Variants in LEPR observed in about 807,000 individuals in gnomAD.
The protein encoded by LEPR is leptin receptor.
A neutral mutation model predicts 114.7 loss-of-function variants in LEPR; 56 were observed. The ratio of observed to expected loss-of-function variants is 0.49; its 90% CI spans 0.39 to 0.61. The LOEUF (loss-of-function observed/expected upper bound fraction) is 0.61. LEPR is among the 20% of genes least tolerant of loss of function. LEPR has a pLI of 0.00. For missense variants in LEPR, 1,202 were observed against 1,352.9 expected (o/e 0.89, Z 1.75); for synonymous variants, 443 against 461.4 (o/e 0.96, Z 0.51).
chr1:65,452,625 A>T (rs1305968710), intron 2 of LEPR, among the ~76,000 whole-genome samples: 6 of 151,466 alleles, frequency 4.0e-5, no homozygotes, highest in Non-Finnish European at 8.9e-5. Flanking sequence ...CCCAGGGATG[A>T]AGCCCACTTG....
At chr1:65,570,896 A>G in intron 4 of LEPR, 94 bp downstream of exon 4, 12 of 1,048,936 alleles carry the variant, frequency 1.1e-5, no homozygotes, top group Non-Finnish European at 1.4e-5. Flanking sequence ...TGATTTTAAC[A>G]TACATAATCA....
In LEPR at chr1:65,462,989, C is replaced by G. The variant is rs138498198; in HGVS notation, c.-21+37611C>G. Among the ~76,000 whole-genome samples the G allele has an allele frequency of 8.5e-5, 13 of 152,198 alleles. No homozygotes were observed. The East Asian group carries it at 2.1e-3, about 25-fold the overall frequency. On this transcript the variant is annotated intron_variant, in intron 2 of 19. Coordinates refer to ENST00000349533, the MANE Select transcript of LEPR (RefSeq NM_002303.6). The stretch of plus-strand genomic sequence containing the variant: ...TAGTTTCTTTTGCTGTACAGAAGCT[C>G]TTTAGTTTAATTAGATACCATTTGT...
intron 2 of LEPR, among the ~76,000 whole-genome samples, chr1:65,455,930 T>C (rs1045725233): frequency 1.3e-5 from 2 of 152,128 alleles, no homozygotes; most frequent in African/African-American, 2.4e-5. Flanking sequence ...TAGCAATCAG[T>C]GAGACTCCGT....
intron 18 of LEPR, among the ~76,000 whole-genome samples, chr1:65,622,144 T>A (rs570786269): frequency 1.3e-5 from 2 of 152,086 alleles, no homozygotes; most frequent in South Asian, 4.2e-4. Flanking sequence ...AATTTAGTTT[T>A]TTAAAAAAAA....
chr1:65,432,153 T>C (rs1389876983), intron 2 of LEPR: 8 of 1,184,950 alleles, frequency 6.8e-6, no homozygotes, highest in African/African-American at 4.8e-5. Flanking sequence ...TGGCTGTTCA[T>C]GTAGTCACGG....
At chr1:65,615,570 A>G (rs1657477469) in intron 14 of LEPR, among the ~76,000 whole-genome samples, 1 of 152,152 alleles carries the variant, frequency 6.6e-6, no homozygotes, top group East Asian at 1.9e-4. Flanking sequence ...ATGATGATTA[A>G]CACCTTCACA....
chr1:65,518,917 CTCTCTTTCTCTG>C (rs1649463130), intron 2 of LEPR, among the ~76,000 whole-genome samples: 7 of 75,648 alleles, frequency 9.3e-5, no homozygotes, highest in East Asian at 4.4e-4. Flanking sequence ...TTCTTTCTTT[CTCTCTTTCTCTG>C]TTTCTTTCTT....
intron 2 of LEPR, chr1:65,525,732 G>C (rs1649903675): frequency 4.3e-5 from 42 of 985,866 alleles, no homozygotes; most frequent in Non-Finnish European, 4.8e-5. Context: ...CAGAGCCCAC[G>C]GCCAGCCGAG....
intron 1 of LEPR, among the ~76,000 whole-genome samples, chr1:65,422,799 G>C (rs1646277419): frequency 6.6e-6 from 1 of 152,242 alleles, no homozygotes; most frequent in Non-Finnish European, 1.5e-5. Flanking sequence ...CAGGCAGTTA[G>C]GAGTGAGTCA....
chr1:65,592,929 T>G, intron 6 of LEPR, 64 bp downstream of exon 6: 1 of 1,565,300 alleles, frequency 6.4e-7, no homozygotes, highest in Non-Finnish European at 8.7e-7. Context: ...AGGTTAAAAA[T>G]TGCTTACAAA....
At chr1:65,597,793 T>A (rs1349264873) in intron 7 of LEPR, among the ~76,000 whole-genome samples, 2 of 152,176 alleles carry the variant, frequency 1.3e-5, no homozygotes, top group African/African-American at 4.8e-5. Flanking sequence ...CATTTTATTT[T>A]CACAAAGAGA....
chr1:65,592,961 C>T (rs1655809107), intron 6 of LEPR, 96 bp downstream of exon 6: 2 of 1,338,304 alleles, frequency 1.5e-6, no homozygotes, highest in Non-Finnish European at 2.1e-6. Flanking sequence ...GCTTATCTCA[C>T]TTTGCTTAAC....
intron 5 of LEPR, 102 bp downstream of exon 5, chr1:65,572,551 C>T: frequency 8.4e-7 from 1 of 1,185,540 alleles, no homozygotes; most frequent in Non-Finnish European, 1.2e-6. Context: ...CCCTACATTT[C>T]CTATTATATG....
chr1:65,455,716 A>C (rs1489305679), intron 2 of LEPR, among the ~76,000 whole-genome samples: 31 of 152,142 alleles, frequency 2.0e-4, no homozygotes, highest in Non-Finnish European at 4.0e-4. Context: ...AAGTCTGCAG[A>C]GGTTACTGCT....
chr1:65,636,052 T>G, intron 19 of LEPR, 139 bp from the exon 20 acceptor site: 1 of 936,012 alleles, frequency 1.1e-6, no homozygotes, highest in Non-Finnish European at 1.6e-6. Flanking sequence ...ATATATGTAT[T>G]TTAGTCAAAA....
At chr1:65,580,259 A>G (rs1022161780) in intron 5 of LEPR, among the ~76,000 whole-genome samples, 3 of 152,222 alleles carry the variant, frequency 2.0e-5, no homozygotes, top group Non-Finnish European at 4.4e-5. Context: ...GAGCTGGTCA[A>G]TATAGGAAGA....
Position 65,593,484 on chromosome 1 carries a change from G to A in LEPR, c.703+619G>A, listed in dbSNP as rs181032026. ...GTGAATAATACAGGAAAATGTTAGC[G>A]CTATGTATTTAATTTATTAATTTCA... On this transcript the variant is annotated intron_variant, in intron 6 of 19. Coordinates refer to ENST00000349533, the MANE Select transcript of LEPR (RefSeq NM_002303.6). Among the ~76,000 whole-genome samples the A allele has an allele frequency of 2.6e-4, 39 of 152,040 alleles. No individual in the cohort carries two copies. The East Asian group carries it at 5.0e-3, about 20-fold the overall frequency.
intron 2 of LEPR, among the ~76,000 whole-genome samples, chr1:65,541,739 G>T (rs1651203581): frequency 6.6e-6 from 1 of 152,122 alleles, no homozygotes; most frequent in African/African-American, 2.4e-5. Context: ...ATTTAAGTGA[G>T]AGATAGACAG....
chr1:65,535,871 C>T (rs1367958395), intron 2 of LEPR, among the ~76,000 whole-genome samples: 1 of 152,178 alleles, frequency 6.6e-6, no homozygotes, highest in Non-Finnish European at 1.5e-5. Flanking sequence ...TTAATACTTA[C>T]AATGTGCTTC....
Sources: allele counts gnomAD v4.1 joint callset (sites outside exome capture counted in the v4.1 genomes callset), GRCh38; gene constraint gnomAD v4.1.1; transcripts MANE v1.5; gene names NCBI Gene and HGNC (gene_info 2026-07-23, HGNC 2026-07-21).